Variants in FAM227B observed in about 807,000 individuals in gnomAD.
FAM227B encodes the protein family with sequence similarity 227 member B.
A neutral mutation model predicts 73.8 loss-of-function variants in FAM227B; 88 were observed. The ratio of observed to expected loss-of-function variants is 1.19; its 90% confidence interval spans 1.00 to 1.42. The LOEUF (loss-of-function observed/expected upper bound fraction) is 1.42. Among genes scored for constraint, FAM227B ranks in the 40% most tolerant of loss-of-function variants. The pLI is 0.00. For missense variants in FAM227B, 632 were observed against 590.9 expected (o/e 1.07, Z -0.72); for synonymous variants, 210 against 190.5 (o/e 1.10, Z -0.84).
intron 11 of FAM227B, among the ~76,000 whole-genome samples, chr15:49,448,748 T>TCA (rs537957789): frequency 6.6e-6 from 1 of 151,740 alleles, no homozygotes; most frequent in Non-Finnish European, 1.5e-5. Context: ...CACACTCTGA[T>TCA]AAGATAAGGA....
At chr15:49,471,418 G>A (rs2054739141) in intron 11 of FAM227B, among the ~76,000 whole-genome samples, 1 of 151,310 alleles carries the variant, frequency 6.6e-6, no homozygotes, top group South Asian at 2.1e-4. Context: ...GAGAGGCGGA[G>A]GTTGTAGTGC....
At chr15:49,366,458 G>A (rs2045205811) in intron 13 of FAM227B, 1 of 994,938 alleles carries the variant, frequency 1.0e-6, no homozygotes, top group African/African-American at 1.6e-5. Context: ...AGGAACATCA[G>A]AAAGGTTGCA....
intron 11 of FAM227B, among the ~76,000 whole-genome samples, chr15:49,453,175 G>A (rs1044324811): frequency 2.6e-5 from 4 of 151,900 alleles, no homozygotes; most frequent in African/African-American, 7.3e-5. Context: ...AATAACAACT[G>A]TATTTTTCTT....
chr15:49,537,002 C>T (rs1245789667), intron 10 of FAM227B, among the ~76,000 whole-genome samples: 1 of 152,036 alleles, frequency 6.6e-6, no homozygotes, highest in Non-Finnish European at 1.5e-5. Flanking sequence ...TTGACACTGA[C>T]ATATGTGATG....
intron 10 of FAM227B, among the ~76,000 whole-genome samples, chr15:49,518,138 G>C (rs2152143847): frequency 6.6e-6 from 1 of 152,202 alleles, no homozygotes; most frequent in African/African-American, 2.4e-5. Context: ...CATTTCTATA[G>C]GGCATGTACC....
rs181829816 is a variant in FAM227B at position 49,514,047 on chromosome 15, T to C, written c.875-5699A>G. 3.4e-4 allele frequency among the ~76,000 whole-genome samples: 52 copies of C among 152,322 alleles called. 1 individual carries two copies. The East Asian group carries it at 8.7e-3, about 25-fold the overall frequency. ...GGTAGTGTGATGCCTCCAGCTTTGT[T>C]CTTTTTGCTTAGGAAGGCCTTGGCT... On this transcript the variant is annotated intron_variant, in intron 10 of 15. Coordinates refer to ENST00000299338, the MANE Select transcript of FAM227B (RefSeq NM_152647.3).
intron 3 of FAM227B, among the ~76,000 whole-genome samples, chr15:49,602,396 T>A (rs2077264658): frequency 6.6e-6 from 1 of 152,232 alleles, no homozygotes; most frequent in Non-Finnish European, 1.5e-5. Context: ...TGATGATCAG[T>A]GATGTTGAGC....
chr15:49,589,108 A>G (rs1008291206), intron 4 of FAM227B, among the ~76,000 whole-genome samples: 1 of 152,178 alleles, frequency 6.6e-6, no homozygotes, highest in Non-Finnish European at 1.5e-5. Flanking sequence ...ATGTTATACA[A>G]ATATTGAAAA....
intron 11 of FAM227B, among the ~76,000 whole-genome samples, chr15:49,384,285 G>A (rs1262656037): frequency 6.6e-6 from 1 of 151,768 alleles, no homozygotes; most frequent in Admixed American, 6.6e-5. Context: ...ATTTCTCAAG[G>A]GTATTTTACT....
intron 11 of FAM227B, chr15:49,424,372 G>A: frequency 1.9e-6 from 3 of 1,613,586 alleles, no homozygotes; most frequent in Non-Finnish European, 2.5e-6. Context: ...TCTGTCTAGT[G>A]GGTACTATAT....
intron 11 of FAM227B, among the ~76,000 whole-genome samples, chr15:49,463,527 G>A (rs898895141): frequency 2.0e-5 from 3 of 147,360 alleles, no homozygotes; most frequent in African/African-American, 7.8e-5. Context: ...CTCCAGCCTA[G>A]GCGACACAGT....
At chr15:49,606,870 A>T (rs940124763) in intron 3 of FAM227B, among the ~76,000 whole-genome samples, 3 of 152,262 alleles carry the variant, frequency 2.0e-5, no homozygotes, top group Admixed American at 6.5e-5. Flanking sequence ...GAACCACAAC[A>T]TTAATATTTG....
intron 11 of FAM227B, among the ~76,000 whole-genome samples, chr15:49,439,968 G>C (rs553293226): frequency 6.6e-6 from 1 of 151,820 alleles, no homozygotes; most frequent in African/African-American, 2.4e-5. Flanking sequence ...ACAAATATTG[G>C]GGACAGGATT....
intron 5 of FAM227B, among the ~76,000 whole-genome samples, chr15:49,581,085 G>A (rs773192947): frequency 6.6e-5 from 10 of 152,218 alleles, no homozygotes; most frequent in East Asian, 5.8e-4. Flanking sequence ...CCCAAATCTC[G>A]TTAGAGAGGC....
rs937980858 is a variant in FAM227B, at chr15:49,384,876, G to A, written c.1013-13477C>T. ...TTTGACAAGATTTTTAATTGATTGG[G>A]ACATTTATTGGAACAATATTTTATA... On this transcript the variant is annotated intron_variant, in intron 11 of 15. Coordinates refer to ENST00000299338, the MANE Select transcript of FAM227B (RefSeq NM_152647.3). Among the ~76,000 whole-genome samples the A allele has an allele frequency of 6.3e-4, 95 of 151,772 alleles. 1 individual carries two copies. The highest frequency in any genetic ancestry group is 3.9e-4 in the East Asian group (2 of 5,184).
At chr15:49,498,288 C>G (rs1478503233) in intron 11 of FAM227B, among the ~76,000 whole-genome samples, 1 of 152,124 alleles carries the variant, frequency 6.6e-6, no homozygotes, top group Non-Finnish European at 1.5e-5. Flanking sequence ...AGGAAAATTA[C>G]TTAATCAACT....
intron 11 of FAM227B, among the ~76,000 whole-genome samples, chr15:49,474,852 T>A (rs1410315202): frequency 6.6e-6 from 1 of 152,160 alleles, no homozygotes; most frequent in Non-Finnish European, 1.5e-5. Flanking sequence ...GCCTGACGAT[T>A]TGAAGTGGAA....
rs546272528 is a variant in FAM227B at position 49,353,588 on chromosome 15, A to C, written c.1271+13860T>G. On this transcript the variant is annotated intron_variant, in intron 13 of 15. Coordinates refer to ENST00000299338, the MANE Select transcript of FAM227B (RefSeq NM_152647.3). ...GATAATTTTATGACATTGACACCCAATTTTTGAAGTTGAAGGAAAATAAGG... is the reference window on the plus strand; with the variant it reads ...GATAATTTTATGACATTGACACCCACTTTTTGAAGTTGAAGGAAAATAAGG... 34 of 150,012 alleles carry C rather than the reference A, an allele frequency of 2.3e-4. No homozygotes were observed. The South Asian group carries it at 7.2e-3, about 32-fold the overall frequency. The allele number at this position is 150,012 out of a possible 1,614,324, so 9.3% of individuals were successfully genotyped here.
Position 49,360,637 on chromosome 15 carries a change from G to A in FAM227B, c.1271+6811C>T, listed in dbSNP as rs929797940. On this transcript the variant is annotated intron_variant, in intron 13 of 15. Transcript: ENST00000299338. Reference sequence around the variant, plus strand: ...TTTATCCAAGATTCTGCAGTTTAAAGATATACCATGCATTCAGCTCTAAAT... The same window carrying A: ...TTTATCCAAGATTCTGCAGTTTAAAAATATACCATGCATTCAGCTCTAAAT... 6.6e-5 allele frequency among the ~76,000 whole-genome samples: 10 copies of A among 152,206 alleles called. No individual in the cohort carries two copies. The South Asian group carries it at 1.5e-3, about 22-fold the overall frequency.
Sources: gnomAD v4.1 joint callset for allele counts (sites outside exome capture counted in the v4.1 genomes callset) on GRCh38, gnomAD v4.1.1 for gene constraint, MANE v1.5 for transcripts, NCBI Gene and HGNC (gene_info 2026-07-23, HGNC 2026-07-21) for gene names.